Variants in SGCZ observed in about 807,000 individuals in gnomAD.
SGCZ encodes the protein zeta-sarcoglycan.
SGCZ carries 40 observed loss-of-function variants against 41.3 expected under a neutral mutation model. The observed-to-expected ratio is 0.97, with a 90% CI of 0.75 to 1.26. The LOEUF is 1.26. SGCZ is among the 50% of genes most tolerant of loss of function. The pLI is 0.00. For missense variants in SGCZ, 552 were observed against 369.8 expected (o/e 1.49, Z -4.04); for synonymous variants, 206 against 137.5 (o/e 1.50, Z -3.49).
At chr8:14,756,452 T>G (rs1200404044) in intron 1 of SGCZ, among the ~76,000 whole-genome samples, 2 of 152,146 alleles carry the variant, frequency 1.3e-5, no homozygotes, top group Non-Finnish European at 2.9e-5. Flanking sequence ...CCCAAAGTGG[T>G]GGGATTACAG....
intron 2 of SGCZ, among the ~76,000 whole-genome samples, chr8:14,372,530 G>T (rs987354162): frequency 2.0e-5 from 3 of 152,058 alleles, no homozygotes; most frequent in African/African-American, 7.2e-5. Context: ...TGGTAAAAAG[G>T]GCCATGAATA....
At chr8:14,601,826 C>T (rs1463419430) in intron 1 of SGCZ, among the ~76,000 whole-genome samples, 2 of 152,116 alleles carry the variant, frequency 1.3e-5, no homozygotes, top group Non-Finnish European at 2.9e-5. Context: ...ATCCTTAAAA[C>T]CTTATGATGT....
At chr8:14,370,131 G>C (rs1180673200) in intron 2 of SGCZ, among the ~76,000 whole-genome samples, 1 of 151,896 alleles carries the variant, frequency 6.6e-6, no homozygotes, top group African/African-American at 2.4e-5. Context: ...GAGGATATGA[G>C]GTGACTAGTT....
chr8:14,416,292 G>C (rs1428022499), intron 2 of SGCZ, among the ~76,000 whole-genome samples: 1 of 151,896 alleles, frequency 6.6e-6, no homozygotes, highest in Non-Finnish European at 1.5e-5. Flanking sequence ...AATGTAATAA[G>C]ACCGAGCAGC....
At chr8:14,092,821 G>A (rs1478621931) in intron 7 of SGCZ, among the ~76,000 whole-genome samples, 1 of 151,886 alleles carries the variant, frequency 6.6e-6, no homozygotes, top group Admixed American at 6.6e-5. Context: ...GTATGTCTTT[G>A]TCGGCAATGT....
At chr8:14,541,089 TAC>T (rs1803452696) in intron 2 of SGCZ, among the ~76,000 whole-genome samples, 1 of 150,626 alleles carries the variant, frequency 6.6e-6, no homozygotes, top group East Asian at 1.9e-4. Flanking sequence ...ACACAACACA[TAC>T]ACACACATAT....
intron 4 of SGCZ, among the ~76,000 whole-genome samples, chr8:14,193,851 G>C (rs1805183295): frequency 6.6e-6 from 1 of 151,670 alleles, no homozygotes; most frequent in Non-Finnish European, 1.5e-5. Flanking sequence ...GTTTAATAAA[G>C]AAACTCCTAC....
At chr8:14,820,372 A>C (rs1802038452) in intron 1 of SGCZ, among the ~76,000 whole-genome samples, 1 of 152,188 alleles carries the variant, frequency 6.6e-6, no homozygotes, top group African/African-American at 2.4e-5. Context: ...TGAAAATATT[A>C]TTACATCTAA....
intron 1 of SGCZ, among the ~76,000 whole-genome samples, chr8:15,092,777 C>T (rs1349779705): frequency 2.0e-5 from 3 of 152,128 alleles, no homozygotes; most frequent in Admixed American, 2.0e-4. Context: ...CTGTAAAATT[C>T]ATCCTGATGG....
chr8:14,655,145 T>C (rs1807524309), intron 1 of SGCZ, among the ~76,000 whole-genome samples: 1 of 152,140 alleles, frequency 6.6e-6, no homozygotes, highest in Non-Finnish European at 1.5e-5. Flanking sequence ...ATACCTACTA[T>C]ATATTCCAGA....
intron 1 of SGCZ, among the ~76,000 whole-genome samples, chr8:15,233,895 T>A (rs1802041414): frequency 6.6e-6 from 1 of 152,090 alleles, no homozygotes; most frequent in African/African-American, 2.4e-5. Context: ...CTGAAAAAAA[T>A]TATATTATAC....
intron 5 of SGCZ, among the ~76,000 whole-genome samples, chr8:14,126,451 G>A (rs1351238735): frequency 7.3e-6 from 1 of 137,322 alleles, no homozygotes; most frequent in African/African-American, 2.8e-5. Flanking sequence ...CAGTCAGAAT[G>A]GCTATTATTA....
At chr8:14,647,131 G>A (rs369073659) in intron 1 of SGCZ, among the ~76,000 whole-genome samples, 65 of 152,016 alleles carry the variant, frequency 4.3e-4, no homozygotes, top group Middle Eastern at 3.4e-3. Flanking sequence ...TCTCCCTTGC[G>A]CAGAAACATC....
chr8:14,584,307 G>T (rs1016686929), intron 1 of SGCZ, among the ~76,000 whole-genome samples: 1 of 152,094 alleles, frequency 6.6e-6, no homozygotes, highest in Non-Finnish European at 1.5e-5. Context: ...ATGAAAGCTG[G>T]AATTTGCAAA....
rs1803759553 is a variant in SGCZ, at chr8:15,033,449, G to A, written c.39+204136C>T. 3.9e-5 allele frequency among the ~76,000 whole-genome samples: 6 copies of A among 152,118 alleles called. No homozygotes were observed. The South Asian group carries it at 1.2e-3, about 32-fold the overall frequency. On this transcript the variant is annotated intron_variant, in intron 1 of 7. Coordinates refer to ENST00000382080, the MANE Select transcript of SGCZ (RefSeq NM_139167.4). ...TATTCCAGAACCAGTCTGGCCCCAG[G>A]GTCCAGGCAGGCTGCAGAAGACCTA... is the stretch of plus-strand genomic sequence containing the variant.
chr8:14,399,258 T>C (rs572641282), intron 2 of SGCZ, among the ~76,000 whole-genome samples: 2 of 152,258 alleles, frequency 1.3e-5, no homozygotes, highest in South Asian at 4.1e-4. Flanking sequence ...TACTTATTGT[T>C]TGTCACAAAA....
chr8:14,380,479 A>G (rs529679695), intron 2 of SGCZ, among the ~76,000 whole-genome samples: 1 of 152,332 alleles, frequency 6.6e-6, no homozygotes, highest in South Asian at 2.1e-4. Flanking sequence ...TCTAAATTCA[A>G]TGTATTTTAA....
At chr8:14,777,001 T>C (rs1451985395) in intron 1 of SGCZ, among the ~76,000 whole-genome samples, 1 of 152,178 alleles carries the variant, frequency 6.6e-6, no homozygotes, top group Non-Finnish European at 1.5e-5. Context: ...TCAGACAGCA[T>C]CAGAAAGCCA....
At chr8:14,419,529 T>C (rs1179503290) in intron 2 of SGCZ, among the ~76,000 whole-genome samples, 1 of 151,940 alleles carries the variant, frequency 6.6e-6, no homozygotes, top group Non-Finnish European at 1.5e-5. Flanking sequence ...TTCATCACCT[T>C]TCTATAACTA....
Sources: gnomAD v4.1 joint callset for allele counts (sites outside exome capture counted in the v4.1 genomes callset) on GRCh38, gnomAD v4.1.1 for gene constraint, MANE v1.5 for transcripts, NCBI Gene and HGNC (gene_info 2026-07-23, HGNC 2026-07-21) for gene names.